TM2D3: variants seen among roughly 807,000 people sequenced by gnomAD.
TM2D3 encodes TM2 domain-containing protein 3.
Under a neutral mutation model 27.3 loss-of-function variants are expected in TM2D3, and 33 were observed. That is an observed-to-expected ratio of 1.21 (90% CI 0.92 to 1.61). The LOEUF is 1.61. Among genes scored for constraint, TM2D3 ranks in the 40% most tolerant of loss-of-function variants. TM2D3 has a pLI of 0.00. For missense variants in TM2D3, 364 were observed against 320.8 expected (o/e 1.13, Z -1.03); for synonymous variants, 138 against 122.2 (o/e 1.13, Z -0.85).
intron 5 of TM2D3, among the ~76,000 whole-genome samples, 156 bp from the exon 6 acceptor site, chr15:101,642,800 C>CA (rs1271298167): frequency 6.6e-6 from 1 of 152,184 alleles, no homozygotes; most frequent in Non-Finnish European, 1.5e-5. Context: ...AAACTGACAC[C>CA]ACCAAATAAT....
intron 2 of TM2D3, 179 bp from the exon 3 acceptor site, chr15:101,650,340 T>TGGCC: frequency 3.6e-6 from 2 of 560,112 alleles, no homozygotes; most frequent in Middle Eastern, 4.6e-4. Flanking sequence ...CACGGCCAGC[T>TGGCC]GTGGGACCTG....
At chr15:101,639,785 C>A (rs1457778951), downstream of TM2D3, among the ~76,000 whole-genome samples, 1 of 152,146 alleles carries the variant, frequency 6.6e-6, no homozygotes, top group Non-Finnish European at 1.5e-5. Context: ...TCCTTGCAGC[C>A]ACCTCAACTG....
rs1341654344 is a variant in TM2D3, at chr15:101,642,519, A to T, written c.704T>A (p.Val235Asp). The T allele has an allele frequency of 6.2e-7, 1 of 1,613,080 alleles. No homozygotes were observed. The highest frequency in any genetic ancestry group is 1.3e-5 in the African/African-American group (1 of 74,874). ...WTLIDVLLIG[V>D]GYVGPADGSL... is the part of the protein sequence containing the mutation. Reference sequence around the variant, plus strand: ...GCCATCTGCTGGTCCAACATAGCCAACTCCAATGAGCAGGACGTCTATCAG... The same window carrying T: ...GCCATCTGCTGGTCCAACATAGCCATCTCCAATGAGCAGGACGTCTATCAG... Residue 235 changes from valine to aspartate, a missense_variant, in exon 6 of 6, where the codon GTT (valine) becomes GAT (aspartate). Coordinates refer to ENST00000333202, the MANE Select transcript of TM2D3 (RefSeq NM_078474.3).
In TM2D3 at chr15:101,642,417, C is replaced by A; in HGVS notation, c.*62G>T. On this transcript the variant is annotated 3_prime_UTR_variant, in exon 6 of 6. Coordinates refer to ENST00000333202, the MANE Select transcript of TM2D3 (RefSeq NM_078474.3). The stretch of plus-strand genomic sequence containing the variant: ...TAGAAATATATCACTCACACCACAT[C>A]AACTCCTACGGACAAAAGGGCTTTT... 1 of 1,501,148 alleles carries A rather than the reference C, an allele frequency of 6.7e-7. No homozygotes were observed. Among genetic ancestry groups the A allele is most frequent in the South Asian group, 1.3e-5 (1 of 74,816 alleles). 93.0% of individuals were successfully genotyped at this position (1,501,148 alleles called of 1,614,324 possible).
chr15:101,637,515 G>C (rs1294350897), downstream of TM2D3, among the ~76,000 whole-genome samples: 3 of 152,200 alleles, frequency 2.0e-5, no homozygotes, highest in Non-Finnish European at 2.9e-5. Context: ...TGTTATGCCA[G>C]AGTCAGGTTG....
At chr15:101,646,602 C>T (rs771927443) in intron 4 of TM2D3, 123 bp downstream of exon 4, 1 of 1,035,352 alleles carries the variant, frequency 9.7e-7, no homozygotes, top group Non-Finnish European at 1.5e-6. Context: ...CTTGGCACAT[C>T]TAAAGAGCTG....
At position 101,642,600 on chromosome 15, in the gene TM2D3, T is replaced by A. The variant is rs1440423699; in HGVS notation, c.623A>T (p.Gln208Leu). The change falls in exon 6 of 6, where the codon CAG becomes CTG. Residue 208 changes from glutamine to leucine, a missense_variant. By Grantham distance (113) the Gln-to-Leu change is moderately radical. Coordinates refer to ENST00000333202, the MANE Select transcript of TM2D3 (RefSeq NM_078474.3). ...GFGADRFYLGQWREGLGKLFS... is the reference protein window; with the variant it reads ...GFGADRFYLGLWREGLGKLFS... ...GAGCTTGCCGAGGCCTTCCCGCCAC[T>A]GGCCCAGGTAGAAACGGTCTGCTCC... 1 of 1,613,348 alleles carries A rather than the reference T, an allele frequency of 6.2e-7. No individual in the cohort carries two copies. Among genetic ancestry groups the A allele is most frequent in the Non-Finnish European group, 8.5e-7 (1 of 1,179,764 alleles).
chr15:101,647,278 G>A (rs927457747), intron 3 of TM2D3, among the ~76,000 whole-genome samples: 2 of 152,106 alleles, frequency 1.3e-5, no homozygotes, highest in African/African-American at 2.4e-5. Context: ...TCACAATCAC[G>A]GATGGCTGGA....
intron 1 of TM2D3, chr15:101,652,022 C>T (rs1896993283): frequency 1.7e-6 from 1 of 580,644 alleles, no homozygotes; most frequent in Non-Finnish European, 3.0e-6. Context: ...GGCCCAGCCC[C>T]CAAGCGCTCC....
At chr15:101,634,088 A>G (rs1896504410) in intron 4 of TM2D3, 1 of 169,266 alleles carries the variant, frequency 5.9e-6, no homozygotes, top group African/African-American at 2.4e-5. Context: ...GTAGTGGACA[A>G]GAGATGATAG....
At chr15:101,640,237 C>A (rs1896636358), downstream of TM2D3, among the ~76,000 whole-genome samples, 1 of 152,066 alleles carries the variant, frequency 6.6e-6, no homozygotes. Flanking sequence ...GGAGGTGGGA[C>A]CTTTGGGAGG....
At chr15:101,633,872 G>A (rs750631048) in intron 4 of TM2D3, 13 of 628,398 alleles carry the variant, frequency 2.1e-5, no homozygotes, top group Admixed American at 3.3e-5. Flanking sequence ...TGATCAAAAG[G>A]TGCCAGCGTT....
chr15:101,649,188 G>A (rs561861574), intron 3 of TM2D3, among the ~76,000 whole-genome samples: 2 of 152,086 alleles, frequency 1.3e-5, no homozygotes, highest in Admixed American at 6.6e-5. Context: ...CTACAAGACT[G>A]TCATCTTTTC....
At chr15:101,643,858 CTTTTT>C (rs762147806) in intron 5 of TM2D3, among the ~76,000 whole-genome samples, 63 of 151,214 alleles carry the variant, frequency 4.2e-4, no homozygotes, top group African/African-American at 1.5e-3. Flanking sequence ...GGTTACTAAT[CTTTTT>C]TTTTGAGACA....
rs1490264934 is a variant in TM2D3 at position 101,633,680 on chromosome 15, A to G, written c.549T>C (p.His183=). 5.9e-6 allele frequency: 9 copies of G among 1,533,408 alleles called. No individual in the cohort carries two copies. The South Asian group carries it at 7.2e-5, about 12-fold the overall frequency. The allele number at this position is 1,533,408 out of a possible 1,614,324, so 95.0% of individuals were successfully genotyped here. A position where few individuals can be genotyped will look rare whatever the true frequency, so the allele number is the denominator to read the frequency against. The change falls in exon 5 of 5, where the codon CAT becomes CAC. Residue 183 remains histidine, a synonymous_variant. Transcript: ENST00000428002. The stretch of plus-strand genomic sequence containing the variant: ...ATCCACCTTTTTCAGGGTGATGTCA[A>G]TGAAGTCCAACAGTGAGCTGAACAT...
chr15:101,641,800 T>G (rs1414035091), downstream of TM2D3: 1 of 653,690 alleles, frequency 1.5e-6, no homozygotes, highest in African/African-American at 2.0e-5. Context: ...AGGTAAGTTG[T>G]AATGATTATT....
At chr15:101,639,391 T>C (rs200232462), downstream of TM2D3, among the ~76,000 whole-genome samples, 1 of 144,580 alleles carries the variant, frequency 6.9e-6, no homozygotes, top group Non-Finnish European at 1.5e-5. Flanking sequence ...TTTTTTTTTT[T>C]CCTTTTTATG....
chr15:101,646,564 CT>C, intron 4 of TM2D3, 160 bp downstream of exon 4: 1 of 700,998 alleles, frequency 1.4e-6, no homozygotes, highest in South Asian at 1.8e-5. Flanking sequence ...GGATGCTTTA[CT>C]TTAGTACGTT....
intron 5 of TM2D3, among the ~76,000 whole-genome samples, chr15:101,643,015 T>C (rs369315926): frequency 6.6e-6 from 1 of 152,214 alleles, no homozygotes; most frequent in East Asian, 1.9e-4. Flanking sequence ...ACGACCTGGA[T>C]CAAGTCATCC....
Sources: gnomAD v4.1 joint callset for allele counts (sites outside exome capture counted in the v4.1 genomes callset) on GRCh38, gnomAD v4.1.1 for gene constraint, MANE v1.5 for transcripts, NCBI Gene and HGNC (gene_info 2026-07-23, HGNC 2026-07-21) for gene names.